SAMD12: variants seen among roughly 807,000 people sequenced by gnomAD.
SAMD12 encodes sterile alpha motif domain containing 12.
In SAMD12, 9 loss-of-function variants were observed where a neutral mutation model predicts 15.0. The ratio of observed to expected loss-of-function variants is 0.60; its 90% CI spans 0.36 to 1.05. The LOEUF (loss-of-function observed/expected upper bound fraction) is 1.05, where lower values mean the gene tolerates loss of function less well. SAMD12 is among the 50% of genes least tolerant of loss of function. SAMD12 has a pLI of 0.01. For synonymous variants in SAMD12, 86 were observed against 90.1 expected, an observed-to-expected ratio of 0.96 and a Z score of 0.25; for missense variants, 230 against 234.2, an observed-to-expected ratio of 0.98 and a Z score of 0.12.
chr8:118,593,509 T>C (rs1827640058), intron 1 of SAMD12, among the ~76,000 whole-genome samples: 1 of 152,178 alleles, frequency 6.6e-6, no homozygotes, highest in Admixed American at 6.5e-5. Flanking sequence ...TAAATTATGT[T>C]TTTTTAATTT....
intron 2 of SAMD12, among the ~76,000 whole-genome samples, chr8:118,445,196 T>C (rs911504663): frequency 2.0e-5 from 3 of 152,276 alleles, no homozygotes; most frequent in East Asian, 1.9e-4. Flanking sequence ...AAACCATTAA[T>C]GTCTACTTTA....
At chr8:118,580,447 T>C (rs1827264628) in intron 2 of SAMD12, among the ~76,000 whole-genome samples, 3 of 152,172 alleles carry the variant, frequency 2.0e-5, no homozygotes, top group Admixed American at 1.3e-4. Context: ...GGCAGGTGAA[T>C]CTTTTAGCTT....
rs574952129 is a variant in SAMD12 at position 118,600,860 on chromosome 8, C to T, written c.14-19967G>A. ...ACACTCCTTTGCTTTAAGGATTATT[C>T]ACTTTTCTAATCTGAACAATGTGTT... On this transcript the variant is annotated intron_variant, in intron 1 of 3. Transcript: ENST00000314727. 1.1e-3 allele frequency among the ~76,000 whole-genome samples: 165 copies of T among 151,992 alleles called. 1 individual carries two copies. Among genetic ancestry groups the T allele is most frequent in the African/African-American group, 3.7e-3 (154 of 41,440 alleles).
chr8:118,252,851 G>A (rs1450801762), intron 4 of SAMD12, among the ~76,000 whole-genome samples: 1 of 152,182 alleles, frequency 6.6e-6, no homozygotes, highest in Non-Finnish European at 1.5e-5. Context: ...GATAAGGCAA[G>A]TCCCACCTTT....
chr8:118,254,426 G>A (rs114401259), intron 4 of SAMD12, among the ~76,000 whole-genome samples: 3 of 152,236 alleles, frequency 2.0e-5, no homozygotes, highest in East Asian at 1.9e-4. Flanking sequence ...TTCATGCCGC[G>A]TAGAAAGACA....
intron 1 of SAMD12, among the ~76,000 whole-genome samples, chr8:118,608,517 T>C (rs1828033029): frequency 6.6e-6 from 1 of 152,076 alleles, no homozygotes; most frequent in Non-Finnish European, 1.5e-5. Context: ...TTTGTTTTTG[T>C]TTTTGAGATG....
chr8:118,213,977 C>T (rs753413556), intron 4 of SAMD12, among the ~76,000 whole-genome samples: 1 of 152,128 alleles, frequency 6.6e-6, no homozygotes, highest in Admixed American at 6.5e-5. Flanking sequence ...GACCACACCC[C>T]AACTTCCCAT....
chr8:118,572,440 G>A (rs1249308230), intron 2 of SAMD12, among the ~76,000 whole-genome samples: 1 of 152,162 alleles, frequency 6.6e-6, no homozygotes. Flanking sequence ...GGAGGGGCCA[G>A]GGGCAGGATG....
intron 3 of SAMD12, among the ~76,000 whole-genome samples, chr8:118,405,646 T>C (rs1222625985): frequency 6.6e-6 from 1 of 152,020 alleles, no homozygotes; most frequent in Non-Finnish European, 1.5e-5. Flanking sequence ...ATTTGTATAC[T>C]TTACTATTTA....
chr8:118,220,616 C>T lies in SAMD12; in HGVS notation c.434-22884G>A, dbSNP rs111325723. The stretch of plus-strand genomic sequence containing the variant: ...ATTATTCTCATGTGTTTCTCAATTT[C>T]TTGTTACAAACCCTAGGAGTCAGTT... On this transcript the variant is annotated intron_variant, in intron 4 of 4. Transcript: ENST00000409003. Among the ~76,000 whole-genome samples, 184 of 152,252 alleles carry T rather than the reference C, an allele frequency of 1.2e-3. 1 individual carries two copies. The highest frequency in any genetic ancestry group is 4.3e-3 in the African/African-American group (177 of 41,548).
intron 4 of SAMD12, among the ~76,000 whole-genome samples, chr8:118,283,150 T>A (rs554587375): frequency 6.6e-6 from 1 of 152,194 alleles, no homozygotes; most frequent in Non-Finnish European, 1.5e-5. Flanking sequence ...TTTATTATAC[T>A]TTAAGTTTTA....
chr8:118,595,846 A>G (rs1827710084), intron 1 of SAMD12, among the ~76,000 whole-genome samples: 1 of 152,202 alleles, frequency 6.6e-6, no homozygotes, highest in Non-Finnish European at 1.5e-5. Flanking sequence ...ATTTTTTTAC[A>G]GTACAGACAG....
intron 4 of SAMD12, among the ~76,000 whole-genome samples, chr8:118,322,392 T>C (rs978254600): frequency 1.3e-5 from 2 of 152,226 alleles, no homozygotes; most frequent in African/African-American, 2.4e-5. Context: ...AACCACTGAA[T>C]AGGGAGCAAC....
chr8:118,252,005 T>C (rs1262981945), intron 4 of SAMD12, among the ~76,000 whole-genome samples: 1 of 152,044 alleles, frequency 6.6e-6, no homozygotes, highest in Non-Finnish European at 1.5e-5. Flanking sequence ...CCTTTTACAT[T>C]CTCCTCTCTG....
chr8:118,481,302 T>C (rs1004828736), intron 2 of SAMD12, among the ~76,000 whole-genome samples: 7 of 152,110 alleles, frequency 4.6e-5, no homozygotes, highest in Non-Finnish European at 1.0e-4. Flanking sequence ...GTTTACAGCA[T>C]ATAAAACACA....
intron 1 of SAMD12, among the ~76,000 whole-genome samples, chr8:118,599,843 C>T (rs1458052270): frequency 6.6e-6 from 1 of 152,170 alleles, no homozygotes; most frequent in Non-Finnish European, 1.5e-5. Flanking sequence ...CTACAGCAAT[C>T]TAGACCTCTC....
chr8:118,530,095 G>A (rs1825643162), intron 2 of SAMD12, among the ~76,000 whole-genome samples: 1 of 152,202 alleles, frequency 6.6e-6, no homozygotes, highest in African/African-American at 2.4e-5. Context: ...GTAACTAATT[G>A]TGGTTTTAAT....
At chr8:118,360,275 T>C (rs2130634591) in intron 4 of SAMD12, among the ~76,000 whole-genome samples, 1 of 152,316 alleles carries the variant, frequency 6.6e-6, no homozygotes, top group East Asian at 1.9e-4. Context: ...ATTCTGAAGA[T>C]GAGGAAACAA....
intron 4 of SAMD12, among the ~76,000 whole-genome samples, chr8:118,337,241 G>A (rs1817127877): frequency 6.6e-6 from 1 of 152,048 alleles, no homozygotes; most frequent in South Asian, 2.1e-4. Flanking sequence ...ACAAGATTAT[G>A]CAAACAAAGC....
Sources: allele counts gnomAD v4.1 joint callset (sites outside exome capture counted in the v4.1 genomes callset), GRCh38; gene constraint gnomAD v4.1.1; transcripts MANE v1.5; gene names NCBI Gene and HGNC (gene_info 2026-07-23, HGNC 2026-07-21).